PTAR1: variants seen among roughly 807,000 people sequenced by gnomAD.
The protein encoded by PTAR1 is protein prenyltransferase alpha subunit repeat-containing protein 1.
A neutral mutation model predicts 45.5 loss-of-function variants in PTAR1; 17 were observed. The ratio of observed to expected loss-of-function variants is 0.37; its 90% CI spans 0.26 to 0.56. The LOEUF is 0.56. Ranked by LOEUF, PTAR1 falls within the 20% of genes least tolerant of loss-of-function variation. The probability of loss-of-function intolerance (pLI) is 0.77; values close to 1 mark genes in which losing one functional copy is unlikely to be tolerated. For synonymous variants in PTAR1, 169 were observed against 171.3 expected, an observed-to-expected ratio of 0.99 and a Z score of 0.11; for missense variants, 391 against 476.3, an observed-to-expected ratio of 0.82 and a Z score of 1.67.
At chr9:69,749,622 A>C (rs1347836891) in intron 2 of PTAR1, among the ~76,000 whole-genome samples, 3 of 152,102 alleles carry the variant, frequency 2.0e-5, no homozygotes, top group African/African-American at 7.2e-5. Flanking sequence ...AAAATAGAAA[A>C]CACTGCTCAT....
rs1457264693 is a variant in PTAR1 at position 69,741,830 on chromosome 9, C to A, written c.285G>T (p.Leu95=). Residue 95 remains leucine (L), a synonymous_variant, in exon 3 of 8, where the codon CTG becomes CTT. Coordinates refer to ENST00000340434, the MANE Select transcript of PTAR1 (RefSeq NM_001099666.2). ...CAGTGGTAAAGTCTGGGTTTAGAAG[C>A]AGCAGGGTACATGTGACATCTATCA... ...DELIDVTCTL[L]LLNPDFTTAW... The A allele has an allele frequency of 1.3e-6, 2 of 1,599,682 alleles. No homozygotes were observed. The highest frequency in any genetic ancestry group is 1.7e-4 in the Middle Eastern group (1 of 6,058).
In PTAR1 at chr9:69,755,471, T is replaced by G. The variant is rs560063268; in HGVS notation, c.86+4382A>C. ...TCAACCAGAACAGAGCCACTTATTA[T>G]CCACAAAAGTTGCATCAACCAGCTT... On this transcript the variant is annotated intron_variant, in intron 1 of 7. Transcript: ENST00000340434. Among the ~76,000 whole-genome samples the G allele has an allele frequency of 2.6e-5, 4 of 152,234 alleles. No homozygotes were observed. In the South Asian group the frequency reaches 8.3e-4, roughly 32 times the overall value.
At chr9:69,758,686 A>G in intron 1 of PTAR1, 1 of 417,322 alleles carries the variant, frequency 2.4e-6, no homozygotes, top group Non-Finnish European at 4.9e-6. Context: ...CGGCTTCTTA[A>G]CTGTTTTACA....
intron 5 of PTAR1, among the ~76,000 whole-genome samples, chr9:69,725,361 G>T (rs916605130): frequency 6.6e-6 from 1 of 151,972 alleles, no homozygotes; most frequent in Admixed American, 6.6e-5. Context: ...AGGCTGGGGC[G>T]GACGGATCAC....
At chr9:69,721,986 A>T (rs568869562) in intron 6 of PTAR1, among the ~76,000 whole-genome samples, 102 of 152,318 alleles carry the variant, frequency 6.7e-4, no homozygotes, top group African/African-American at 2.3e-3. Flanking sequence ...GAGGTATGCC[A>T]GTAGCTTAAA....
In PTAR1 at chr9:69,723,522, T is replaced by C. The variant is rs1452449013; in HGVS notation, c.751A>G (p.Thr251Ala). 6.8e-6 allele frequency: 11 copies of C among 1,613,774 alleles called. No individual in the cohort carries two copies. Among genetic ancestry groups the C allele is most frequent in the Non-Finnish European group, 9.3e-6 (11 of 1,179,836 alleles). The change falls in exon 6 of 8, where the codon ACT (threonine) becomes GCT (alanine). Residue 251 changes from threonine to alanine, a missense_variant. By Grantham distance (58) the Thr-to-Ala change is moderately conservative. Coordinates refer to ENST00000340434, the MANE Select transcript of PTAR1 (RefSeq NM_001099666.2). ...QFLLKSLISQ[T>A]VIDSSVMEQN... ...TCCATCACAGAACTGTCTATCACAG[T>C]TTGGCTAATCAAAGACTTAAGCAAA...
chr9:69,733,653 G>A (rs758263174), intron 4 of PTAR1, among the ~76,000 whole-genome samples: 6 of 152,074 alleles, frequency 3.9e-5, no homozygotes, highest in Admixed American at 6.6e-5. Context: ...CACAGCATTC[G>A]CTTCAGCTGC....
chr9:69,746,871 G>A (rs913837454), intron 2 of PTAR1, among the ~76,000 whole-genome samples: 2 of 152,192 alleles, frequency 1.3e-5, no homozygotes, highest in Admixed American at 6.5e-5. Context: ...ATGGTCACTG[G>A]ATTTGACAAC....
At chr9:69,734,348 G>T (rs1825685127) in intron 3 of PTAR1, 94 bp from the exon 4 acceptor site, 2 of 544,412 alleles carry the variant, frequency 3.7e-6, no homozygotes, top group African/African-American at 2.0e-5. Flanking sequence ...ATCTCATTGT[G>T]AAGCGAATGT....
At chr9:69,734,116 TA>T in intron 4 of PTAR1, 33 bp downstream of exon 4, 1 of 1,141,608 alleles carries the variant, frequency 8.8e-7, no homozygotes, top group Non-Finnish European at 1.3e-6. Context: ...GTCTGAATCC[TA>T]AGTAAGAGTA....
intron 5 of PTAR1, 27 bp from the exon 6 acceptor site, chr9:69,723,657 G>T (rs186841244): frequency 1.2e-4 from 178 of 1,530,446 alleles, no homozygotes; most frequent in Non-Finnish European, 1.5e-4. Flanking sequence ...AGGGAAGTAA[G>T]AAGAAGAGTT....
chr9:69,737,446 C>A (rs1028310758), intron 3 of PTAR1, among the ~76,000 whole-genome samples: 3 of 152,160 alleles, frequency 2.0e-5, no homozygotes, highest in Admixed American at 6.5e-5. Flanking sequence ...ACTGGAGATA[C>A]AATTTCCACT....
At chr9:69,719,843 T>C (rs1824905027) in intron 6 of PTAR1, among the ~76,000 whole-genome samples, 2 of 152,196 alleles carry the variant, frequency 1.3e-5, no homozygotes, top group South Asian at 4.1e-4. Context: ...ATGTGATCTG[T>C]GATCAGCGAT....
Position 69,717,250 on chromosome 9 carries a change from A to G in PTAR1, c.*1092T>C, listed in dbSNP as rs1824763618. Reference sequence around the variant, plus strand: ...TCCTCAATAATTTAGATTTTTAAAAAGGAATATTTTTATGGATCTATTTCT... The same window carrying G: ...TCCTCAATAATTTAGATTTTTAAAAGGGAATATTTTTATGGATCTATTTCT... On this transcript the variant is annotated 3_prime_UTR_variant, in exon 8 of 8. Transcript: ENST00000340434. 1.3e-5 allele frequency: 2 copies of G among 152,216 alleles called. No individual in the cohort carries two copies. Among genetic ancestry groups the G allele is most frequent in the South Asian group, 4.1e-4 (2 of 4,834 alleles). The allele number at this position is 152,216 out of a possible 1,614,324, so 9.4% of individuals were successfully genotyped here. A position where few individuals can be genotyped will look rare whatever the true frequency, so the allele number is the denominator to read the frequency against.
In PTAR1 at chr9:69,723,503, A is replaced by G. The variant is rs1825122652; in HGVS notation, c.770T>C (p.Val257Ala). Residue 257 changes from valine to alanine, a missense_variant, in exon 6 of 8, where the codon GTG becomes GCG. Physicochemically the swap from Val to Ala is moderately conservative, Grantham distance 64. Around this residue, in one of 5 missense-constraint regions of PTAR1, gnomAD observed 181 missense variants for 227.7 expected, o/e 0.80. Transcript: ENST00000340434. ...LISQTVIDSS[V>A]MEQNPLRSEP... ...ACTTCTCAAAGGATTTTGCTCCATC[A>G]CAGAACTGTCTATCACAGTTTGGCT... 6.2e-7 allele frequency: 1 copy of G among 1,613,812 alleles called. No homozygotes were observed. The highest frequency in any genetic ancestry group is 8.5e-7 in the Non-Finnish European group (1 of 1,179,858).
chr9:69,744,761 C>T (rs922520213), intron 2 of PTAR1, among the ~76,000 whole-genome samples: 1 of 152,120 alleles, frequency 6.6e-6, no homozygotes, highest in African/African-American at 2.4e-5. Flanking sequence ...AAATTTTTTG[C>T]ACGCAGGTCC....
chr9:69,759,963 G>A lies in PTAR1; in HGVS notation c.-25C>T. ...TGTTGGCGGCGGCCGCGACAGTTCG[G>A]GCGCGCCTCCGCGTGAGCCGGGCCG... On this transcript the variant is annotated 5_prime_UTR_variant, in exon 1 of 8. Coordinates refer to ENST00000340434, the MANE Select transcript of PTAR1 (RefSeq NM_001099666.2). 2.7e-6 allele frequency: 4 copies of A among 1,459,630 alleles called. No homozygotes were observed. Among genetic ancestry groups the A allele is most frequent in the Non-Finnish European group, 3.6e-6 (4 of 1,099,474 alleles). The allele number at this position is 1,459,630 out of a possible 1,614,324, so 90.4% of individuals were successfully genotyped here.
chr9:69,718,301 T>C lies in PTAR1; in HGVS notation c.*41A>G, dbSNP rs1480488882. 2.2e-6 allele frequency: 3 copies of C among 1,376,732 alleles called. No homozygotes were observed. Among genetic ancestry groups the C allele is most frequent in the African/African-American group, 1.4e-5 (1 of 69,222 alleles). The allele number at this position is 1,376,732 out of a possible 1,614,324, so 85.3% of individuals were successfully genotyped here. A position where few individuals can be genotyped will look rare whatever the true frequency, so the allele number is the denominator to read the frequency against. On this transcript the variant is annotated 3_prime_UTR_variant, in exon 8 of 8. Transcript: ENST00000340434. ...ATGTAAATAATAAAAGAAAGCAATA[T>C]TGCACTAAAAGGGGAACCTTGTAGG...
chr9:69,746,772 A>C (rs557958183), intron 2 of PTAR1, among the ~76,000 whole-genome samples: 1 of 152,366 alleles, frequency 6.6e-6, no homozygotes, highest in South Asian at 2.1e-4. Flanking sequence ...AGAAGATAAA[A>C]GGATGCTACA....
Sources: allele counts gnomAD v4.1 joint callset (sites outside exome capture counted in the v4.1 genomes callset), GRCh38; gene constraint gnomAD v4.1.1; regional missense constraint gnomAD v4.1.1; transcripts MANE v1.5; gene names NCBI Gene and HGNC (gene_info 2026-07-23, HGNC 2026-07-21).